ATOH8: variants seen among roughly 807,000 people sequenced by gnomAD.
The protein encoded by ATOH8 is atonal bHLH transcription factor 8.
Under a neutral mutation model 21.2 loss-of-function variants are expected in ATOH8, and 9 were observed. The ratio of observed to expected loss-of-function variants is 0.42; its 90% confidence interval spans 0.26 to 0.74. ATOH8 has a LOEUF of 0.74. ATOH8 is among the 30% of genes least tolerant of loss of function. The probability of loss-of-function intolerance (pLI) is 0.24; values close to 1 mark genes in which losing one functional copy is unlikely to be tolerated. For synonymous variants in ATOH8, 253 were observed against 224.0 expected (o/e 1.13, Z -1.16); for missense variants, 524 against 470.9 (o/e 1.11, Z -1.04).
At chr2:85,764,820 G>A (rs1181175038) in intron 2 of ATOH8, among the ~76,000 whole-genome samples, 1 of 152,180 alleles carries the variant, frequency 6.6e-6, no homozygotes, top group Non-Finnish European at 1.5e-5. Flanking sequence ...TAGGGGCAGT[G>A]GAAGGCCAGG....
At chr2:85,760,598 C>T (rs974057386) in intron 1 of ATOH8, among the ~76,000 whole-genome samples, 4 of 152,238 alleles carry the variant, frequency 2.6e-5, no homozygotes, top group Non-Finnish European at 5.9e-5. Flanking sequence ...TCCTACATGC[C>T]TGAGAATCAC....
chr2:85,754,590 G>C lies in ATOH8; in HGVS notation c.401G>C (p.Ser134Thr). The change falls in exon 1 of 3, where the codon AGC becomes ACC. Residue 134 changes from serine (S) to threonine (T), a missense_variant. Physicochemically the swap from Ser to Thr is moderately conservative, Grantham distance 58. Transcript: ENST00000306279. ...CCGCCGCCGCCTCCTGCGCCCCAGAGCCAGGCACCTGGGGGCCCAGAGGCA... is the reference window on the plus strand; with the variant it reads ...CCGCCGCCGCCTCCTGCGCCCCAGACCCAGGCACCTGGGGGCCCAGAGGCA... ...PPPPPPPAPQ[S>T]QAPGGPEAQP... 6.8e-7 allele frequency: 1 copy of C among 1,470,010 alleles called. No individual in the cohort carries two copies. The highest frequency in any genetic ancestry group is 2.0e-4 in the Middle Eastern group (1 of 5,032). The allele number at this position is 1,470,010 out of a possible 1,614,324, so 91.1% of individuals were successfully genotyped here. A position where few individuals can be genotyped will look rare whatever the true frequency, so the allele number is the denominator to read the frequency against.
At chr2:85,773,160 A>G (rs552308205) in intron 2 of ATOH8, 22 of 292,848 alleles carry the variant, frequency 7.5e-5, no homozygotes, top group South Asian at 6.8e-4. Context: ...ACCGGACACC[A>G]TGCAGAGACC....
chr2:85,756,682 C>G (rs1679711064), intron 1 of ATOH8, among the ~76,000 whole-genome samples: 1 of 152,196 alleles, frequency 6.6e-6, no homozygotes, highest in Non-Finnish European at 1.5e-5. Flanking sequence ...TGGATTAACT[C>G]ATTTTATAGT....
chr2:85,774,265 C>T, intron 2 of ATOH8: 2 of 985,634 alleles, frequency 2.0e-6, no homozygotes, highest in Non-Finnish European at 2.4e-6. Flanking sequence ...CTTTTGAACT[C>T]TGAGGCTTCC....
intron 2 of ATOH8, among the ~76,000 whole-genome samples, chr2:85,772,060 T>C (rs1039227127): frequency 5.3e-5 from 8 of 152,354 alleles, no homozygotes; most frequent in African/African-American, 1.9e-4. Flanking sequence ...AGCAAGTGCC[T>C]GGTGCCGTCC....
intron 2 of ATOH8, among the ~76,000 whole-genome samples, chr2:85,786,155 C>T (rs1001886002): frequency 1.3e-5 from 2 of 152,198 alleles, no homozygotes; most frequent in Admixed American, 6.5e-5. Flanking sequence ...GAACTGTGCT[C>T]CTTAGCACCC....
chr2:85,783,916 C>T (rs902340992), intron 2 of ATOH8, among the ~76,000 whole-genome samples: 5 of 152,164 alleles, frequency 3.3e-5, no homozygotes, highest in South Asian at 2.1e-4. Context: ...TTCTATCCCT[C>T]GGCCAGAGCT....
In ATOH8 at chr2:85,790,235, T is replaced by C. The variant is rs1680733047; in HGVS notation, c.*3345T>C. 6.6e-6 allele frequency among the ~76,000 whole-genome samples: 1 copy of C among 152,156 alleles called. No homozygotes were observed. Among genetic ancestry groups the C allele is most frequent in the Admixed American group, 6.5e-5 (1 of 15,280 alleles). ...GCTCTGGGTCACCAGGCACAGGCCA[T>C]AAAGGGATGAGGGGGCCCTCTCCAG... On this transcript the variant is annotated 3_prime_UTR_variant, in exon 3 of 3. Coordinates refer to ENST00000306279, the MANE Select transcript of ATOH8 (RefSeq NM_032827.7).
chr2:85,754,922 A>G lies in ATOH8; in HGVS notation c.733A>G (p.Thr245Ala). The change falls in exon 1 of 3, where the codon ACC becomes GCC. Residue 245 changes from threonine (T) to alanine (A), a missense_variant. Coordinates refer to ENST00000306279, the MANE Select transcript of ATOH8 (RefSeq NM_032827.7). Reference protein sequence around the residue: ...ANARERTRVHTISAAFEALRK... With the variant: ...ANARERTRVHAISAAFEALRK... ...CGCCAGGGAGCGGACGCGGGTGCAC[A>G]CCATCAGCGCAGCCTTCGAGGCGCT... is the stretch of plus-strand genomic sequence containing the variant. 6.2e-7 allele frequency: 1 copy of G among 1,606,954 alleles called. No individual in the cohort carries two copies. Among genetic ancestry groups the G allele is most frequent in the Non-Finnish European group, 8.5e-7 (1 of 1,179,232 alleles).
rs553861276 is a variant in ATOH8 at position 85,754,962 on chromosome 2, C to T, written c.768+5C>T. The T allele has an allele frequency of 1.3e-6, 2 of 1,581,874 alleles. No individual in the cohort carries two copies. The highest frequency in any genetic ancestry group is 1.4e-5 in the African/African-American group (1 of 73,862). ...TTCGAGGCGCTCAGGAAGCAGGTAC[C>T]CGCTCGCCGCCGCACGCCCTCACTG... is the stretch of plus-strand genomic sequence containing the variant. On this transcript the variant is annotated splice_donor_5th_base_variant and intron_variant, in intron 1 of 2. Coordinates refer to ENST00000306279, the MANE Select transcript of ATOH8 (RefSeq NM_032827.7).
At position 85,785,127 on chromosome 2, in the gene ATOH8, C is replaced by T. The variant is rs527737013; in HGVS notation, c.961-1758C>T. On this transcript the variant is annotated intron_variant, in intron 2 of 2. Coordinates refer to ENST00000306279, the MANE Select transcript of ATOH8 (RefSeq NM_032827.7). The surrounding 1 kb of genome is among the most constrained non-coding windows in gnomAD (Gnocchi z 4.1). Reference sequence around the variant, plus strand: ...CGCCTTTACAGCATGCCCAGGAGGACGGCTCCAGCCAACCCAGCCTCCCCT... The same window carrying T: ...CGCCTTTACAGCATGCCCAGGAGGATGGCTCCAGCCAACCCAGCCTCCCCT... Among the ~76,000 whole-genome samples the T allele has an allele frequency of 1.1e-4, 16 of 152,346 alleles. No homozygotes were observed. Among genetic ancestry groups the T allele is most frequent in the Non-Finnish European group, 1.6e-4 (11 of 68,032 alleles).
At chr2:85,759,854 C>G (rs912008400) in intron 1 of ATOH8, among the ~76,000 whole-genome samples, 3 of 152,024 alleles carry the variant, frequency 2.0e-5, no homozygotes, top group African/African-American at 7.2e-5. Flanking sequence ...GGCACAGAAG[C>G]AGGAGCATGG....
chr2:85,757,786 ATTTTTTTT>A (rs11398141), intron 1 of ATOH8, among the ~76,000 whole-genome samples: 1 of 138,712 alleles, frequency 7.2e-6, no homozygotes, highest in African/African-American at 2.7e-5. Context: ...CTTTCATTTC[ATTTTTTTT>A]TTTTTTTTTG....
intron 2 of ATOH8, among the ~76,000 whole-genome samples, chr2:85,765,315 C>A (rs1173204066): frequency 6.6e-6 from 1 of 152,250 alleles, no homozygotes; most frequent in Non-Finnish European, 1.5e-5. Flanking sequence ...CAGCAGGCCC[C>A]TCTGTGGGTT....
chr2:85,754,169 G>A lies in ATOH8; in HGVS notation c.-21G>A. The A allele has an allele frequency of 6.5e-7, 1 of 1,537,558 alleles. No individual in the cohort carries two copies. The highest frequency in any genetic ancestry group is 8.7e-7 in the Non-Finnish European group (1 of 1,146,202). ...GCGGCCCGGGCAGCCCCACGCCCCT[G>A]CCTCGCGCGCCGCCCGCGCCATGAA... On this transcript the variant is annotated 5_prime_UTR_variant, in exon 1 of 3. Transcript: ENST00000306279.
chr2:85,763,381 G>A (rs1679919383), intron 1 of ATOH8, among the ~76,000 whole-genome samples: 2 of 152,082 alleles, frequency 1.3e-5, no homozygotes, highest in African/African-American at 2.4e-5. Context: ...ACTGTTGTCT[G>A]CCCAGCAGCA....
Position 85,788,728 on chromosome 2 carries a change from G to A in ATOH8, c.*1838G>A, listed in dbSNP as rs191655283. Among the ~76,000 whole-genome samples, 1,226 of 152,274 alleles carry A rather than the reference G, an allele frequency of 8.1e-3. 11 individuals carry two copies. Among genetic ancestry groups the A allele is most frequent in the Non-Finnish European group, 0.011 (746 of 68,018 alleles). ...TTGGTTTCACCAGTGTCACTTTCTC[G>A]TCTCTGCTGCTCAGACTCCTGGGCT... On this transcript the variant is annotated 3_prime_UTR_variant, in exon 3 of 3. Coordinates refer to ENST00000306279, the MANE Select transcript of ATOH8 (RefSeq NM_032827.7).
intron 2 of ATOH8, among the ~76,000 whole-genome samples, chr2:85,770,997 AC>A (rs1421123723): frequency 1.3e-5 from 2 of 151,648 alleles, no homozygotes; most frequent in Non-Finnish European, 2.9e-5. Flanking sequence ...AATGCAGAGA[AC>A]CCCCTGGGGC....
Sources: allele counts gnomAD v4.1 joint callset (sites outside exome capture counted in the v4.1 genomes callset), GRCh38; gene constraint gnomAD v4.1.1; non-coding constraint Gnocchi (gnomAD v3.1); transcripts MANE v1.5; gene names NCBI Gene and HGNC (gene_info 2026-07-23, HGNC 2026-07-21).